Variants in RAB3C observed in about 807,000 individuals in gnomAD.
RAB3C encodes the protein ras-related protein Rab-3C.
A neutral mutation model predicts 26.4 loss-of-function variants in RAB3C; 17 were observed. The ratio of observed to expected loss-of-function variants is 0.64; its 90% CI spans 0.44 to 0.97. The LOEUF (loss-of-function observed/expected upper bound fraction) is 0.97. Among genes scored for constraint, RAB3C ranks in the 50% least tolerant of loss-of-function variants. The pLI is 0.00. For missense variants in RAB3C, 242 were observed against 281.9 expected, an observed-to-expected ratio of 0.86 and a Z score of 1.01; for synonymous variants, 91 against 95.9, an observed-to-expected ratio of 0.95 and a Z score of 0.30.
At chr5:58,612,644 T>C (rs1245257903) in intron 1 of RAB3C, among the ~76,000 whole-genome samples, 1 of 151,102 alleles carries the variant, frequency 6.6e-6, no homozygotes, top group African/African-American at 2.4e-5. Flanking sequence ...TGTTTAGGAA[T>C]ACTAGTGATT....
At chr5:58,834,775 T>C (rs1461429588) in intron 4 of RAB3C, among the ~76,000 whole-genome samples, 1 of 152,198 alleles carries the variant, frequency 6.6e-6, no homozygotes, top group African/African-American at 2.4e-5. Flanking sequence ...TTTGGGTTGG[T>C]TTAGGTGTGG....
At chr5:58,730,551 T>C (rs994260087) in intron 3 of RAB3C, among the ~76,000 whole-genome samples, 27 of 152,124 alleles carry the variant, frequency 1.8e-4, no homozygotes, top group African/African-American at 6.3e-4. Flanking sequence ...ATCTTAAGTG[T>C]ATAAAAAATA....
chr5:58,603,158 C>T (rs1467423169), intron 1 of RAB3C, among the ~76,000 whole-genome samples: 1 of 152,104 alleles, frequency 6.6e-6, no homozygotes, highest in African/African-American at 2.4e-5. Flanking sequence ...CCTTCTAGCT[C>T]GTAGGGTTTC....
At chr5:58,833,162 G>A (rs1256440539) in intron 4 of RAB3C, among the ~76,000 whole-genome samples, 1 of 152,012 alleles carries the variant, frequency 6.6e-6, no homozygotes, top group East Asian at 1.9e-4. Context: ...GGAGACCACT[G>A]GCTAAAGGAT....
intron 3 of RAB3C, among the ~76,000 whole-genome samples, chr5:58,744,768 G>GAAC (rs200493658): frequency 3.9e-5 from 6 of 151,984 alleles, no homozygotes; most frequent in Non-Finnish European, 5.9e-5. Flanking sequence ...TTTCTCTGGA[G>GAAC]AACAACAACA....
At chr5:58,781,600 T>C (rs1421260979) in intron 3 of RAB3C, among the ~76,000 whole-genome samples, 1 of 152,112 alleles carries the variant, frequency 6.6e-6, no homozygotes, top group Non-Finnish European at 1.5e-5. Flanking sequence ...GGAAACTCTA[T>C]GTTAATCTTC....
At chr5:58,612,463 G>A (rs1170373183) in intron 1 of RAB3C, among the ~76,000 whole-genome samples, 2 of 145,132 alleles carry the variant, frequency 1.4e-5, no homozygotes, top group Admixed American at 6.9e-5. Context: ...TGGTTAGCTG[G>A]TTAGCTGGTT....
intron 2 of RAB3C, among the ~76,000 whole-genome samples, chr5:58,702,540 C>T (rs1395128002): frequency 1.3e-5 from 2 of 152,006 alleles, no homozygotes; most frequent in African/African-American, 4.8e-5. Context: ...TCTGTTATAG[C>T]ACTTGCCAGG....
chr5:58,600,899 G>C (rs2545790), intron 1 of RAB3C, among the ~76,000 whole-genome samples: 40,849 of 151,988 alleles, frequency 0.27, 5,963 homozygotes, highest in East Asian at 0.62. Context: ...GGAGTGGTGA[G>C]AGTGGGCATC....
At chr5:58,840,516 A>G (rs977361431) in intron 4 of RAB3C, among the ~76,000 whole-genome samples, 8 of 152,044 alleles carry the variant, frequency 5.3e-5, no homozygotes, top group African/African-American at 1.9e-4. Context: ...TTTTTCATTG[A>G]CAGTGTCTTG....
At chr5:58,736,296 C>A (rs1741132999) in intron 3 of RAB3C, among the ~76,000 whole-genome samples, 1 of 152,206 alleles carries the variant, frequency 6.6e-6, no homozygotes, top group Admixed American at 6.5e-5. Context: ...AAAAAGCACA[C>A]CCCTAGGTGG....
intron 1 of RAB3C, among the ~76,000 whole-genome samples, chr5:58,611,848 G>C (rs1445299409): frequency 6.6e-6 from 1 of 152,044 alleles, no homozygotes; most frequent in Non-Finnish European, 1.5e-5. Flanking sequence ...TTGTCTTCCA[G>C]GGTTTTTATA....
chr5:58,711,525 A>C (rs958794816), intron 2 of RAB3C, among the ~76,000 whole-genome samples: 1 of 152,180 alleles, frequency 6.6e-6, no homozygotes, highest in Non-Finnish European at 1.5e-5. Flanking sequence ...CAGGTGTTCT[A>C]ACTCCAAAGC....
intron 2 of RAB3C, among the ~76,000 whole-genome samples, chr5:58,664,928 C>G (rs936161296): frequency 6.6e-6 from 1 of 152,022 alleles, no homozygotes; most frequent in African/African-American, 2.4e-5. Context: ...TCAAATACTC[C>G]AAAGGTGTTC....
intron 3 of RAB3C, among the ~76,000 whole-genome samples, chr5:58,796,547 T>A (rs10940626): frequency 0.51 from 77,125 of 151,918 alleles, 21,073 homozygotes; most frequent in South Asian, 0.62. Context: ...CATGAGTCAA[T>A]GGAAGAGAAT....
chr5:58,828,056 G>A (rs1743530006), intron 4 of RAB3C, among the ~76,000 whole-genome samples: 1 of 152,080 alleles, frequency 6.6e-6, no homozygotes, highest in African/African-American at 2.4e-5. Flanking sequence ...TACAACATTT[G>A]CTCATCCTAA....
intron 2 of RAB3C, among the ~76,000 whole-genome samples, chr5:58,651,737 T>A (rs1276965799): frequency 6.6e-6 from 1 of 152,160 alleles, no homozygotes; most frequent in Non-Finnish European, 1.5e-5. Flanking sequence ...TAAACCCAAG[T>A]CCTACATTCA....
chr5:58,595,602 A>G (rs1309758285), intron 1 of RAB3C, among the ~76,000 whole-genome samples: 2 of 152,198 alleles, frequency 1.3e-5, no homozygotes, highest in African/African-American at 4.8e-5. Flanking sequence ...GATGAAAAGA[A>G]TATATGAAGT....
In RAB3C at chr5:58,768,329, G is replaced by A. The variant is rs184002606; in HGVS notation, c.371+42209G>A. Among the ~76,000 whole-genome samples, 101 of 152,184 alleles carry A rather than the reference G, an allele frequency of 6.6e-4. 1 individual carries two copies. Among genetic ancestry groups the A allele is most frequent in the Admixed American group, 1.7e-3 (26 of 15,284 alleles). ...AGAAAAGTTAAAATCCTGCTTTGAA[G>A]CTTATTTTATAAATTTCTTTGCCAT... On this transcript the variant is annotated intron_variant, in intron 3 of 4. Transcript: ENST00000282878.
Sources: allele counts gnomAD v4.1 joint callset (sites outside exome capture counted in the v4.1 genomes callset), GRCh38; gene constraint gnomAD v4.1.1; transcripts MANE v1.5; gene names NCBI Gene and HGNC (gene_info 2026-07-23, HGNC 2026-07-21).